Variants in LIMCH1 observed in about 807,000 individuals in gnomAD.
LIMCH1 encodes LIM and calponin homology domains-containing protein 1.
Under a neutral mutation model 176.5 loss-of-function variants are expected in LIMCH1, and 113 were observed. The ratio of observed to expected loss-of-function variants is 0.64; its 90% CI spans 0.55 to 0.75. The LOEUF (loss-of-function observed/expected upper bound fraction) is 0.75. Ranked by LOEUF, LIMCH1 falls within the 30% of genes least tolerant of loss-of-function variation. The pLI, the probability that LIMCH1 is intolerant of heterozygous loss-of-function variation, is 0.00. For missense variants in LIMCH1, 1,674 were observed against 1,814.9 expected (o/e 0.92, Z 1.41); for synonymous variants, 619 against 645.9 (o/e 0.96, Z 0.63).
At chr4:41,462,633 T>A (rs2065535362) in intron 1 of LIMCH1, among the ~76,000 whole-genome samples, 1 of 152,178 alleles carries the variant, frequency 6.6e-6, no homozygotes. Context: ...TATCTTGAAA[T>A]TTTGAACTTT....
rs758174095 is a variant in LIMCH1 at position 41,633,102 on chromosome 4, C to T, written c.1829+17C>T. The stretch of plus-strand genomic sequence containing the variant: ...CCAGCCACTGTGAGCATCTTGCCTG[C>T]GCTCTGCTCCGTGGTGTGTTGCCCC... On this transcript the variant is annotated intron_variant, in intron 12 of 31. Coordinates refer to ENST00000503057, the MANE Select transcript of LIMCH1 (RefSeq NM_001330672.2). 12 of 1,495,140 alleles carry T rather than the reference C, an allele frequency of 8.0e-6. No individual in the cohort carries two copies. The highest frequency in any genetic ancestry group is 2.5e-5 in the East Asian group (1 of 40,722). 92.6% of individuals were successfully genotyped at this position (1,495,140 alleles called of 1,614,324 possible). A position where few individuals can be genotyped will look rare whatever the true frequency, so the allele number is the denominator to read the frequency against.
chr4:41,587,481 G>T (rs1412537555), intron 1 of LIMCH1, among the ~76,000 whole-genome samples: 1 of 152,136 alleles, frequency 6.6e-6, no homozygotes, highest in African/African-American at 2.4e-5. Flanking sequence ...GGAACTAGAG[G>T]TTCGTGTGGA....
intron 1 of LIMCH1, among the ~76,000 whole-genome samples, chr4:41,419,608 T>TCCTTCC (rs1290594908): frequency 3.7e-5 from 2 of 53,524 alleles, no homozygotes; most frequent in African/African-American, 3.8e-4. Flanking sequence ...CCTTCCGTCC[T>TCCTTCC]TCCTTCCTTC....
chr4:41,532,831 A>G (rs552243215), intron 3 of LIMCH1, among the ~76,000 whole-genome samples: 1 of 152,308 alleles, frequency 6.6e-6, no homozygotes, highest in African/African-American at 2.4e-5. Context: ...TAATTGCTCT[A>G]TAACAAATTA....
rs557096393 is a variant in LIMCH1 at position 41,445,527 on chromosome 4, T to C, written c.97-49009T>C. ...GAATTGTCCTCAAATTTTTTGGCAA[T>C]GAAAATTGCAACTGAAGCACTGCTA... On this transcript the variant is annotated intron_variant, in intron 1 of 26. Coordinates refer to the LIMCH1 transcript ENST00000313860. 2.1e-4 allele frequency among the ~76,000 whole-genome samples: 32 copies of C among 152,332 alleles called. No homozygotes were observed. The South Asian group carries it at 5.8e-3, about 28-fold the overall frequency.
intron 3 of LIMCH1, among the ~76,000 whole-genome samples, chr4:41,529,646 A>G (rs1323635004): frequency 4.6e-5 from 7 of 152,172 alleles, no homozygotes; most frequent in Non-Finnish European, 1.0e-4. Flanking sequence ...CTCCTTGGTT[A>G]TTACATATAC....
chr4:41,575,625 G>C (rs1400476004), intron 1 of LIMCH1, among the ~76,000 whole-genome samples: 1 of 152,180 alleles, frequency 6.6e-6, no homozygotes, highest in Non-Finnish European at 1.5e-5. Flanking sequence ...GATGTTTAAG[G>C]TTAGGGCCTA....
At chr4:41,681,693 A>T (rs1047949309) in intron 25 of LIMCH1, among the ~76,000 whole-genome samples, 2 of 152,156 alleles carry the variant, frequency 1.3e-5, no homozygotes, top group Non-Finnish European at 2.9e-5. Flanking sequence ...ATAATAATAA[A>T]AAAAACTAAT....
At chr4:41,526,957 A>G (rs1285005545) in intron 3 of LIMCH1, among the ~76,000 whole-genome samples, 1 of 151,678 alleles carries the variant, frequency 6.6e-6, no homozygotes, top group African/African-American at 2.4e-5. Context: ...AACACTCTTC[A>G]CTCCCATGAA....
chr4:41,639,502 T>C (rs114541380), intron 14 of LIMCH1, among the ~76,000 whole-genome samples: 312 of 152,270 alleles, frequency 2.0e-3, no homozygotes, highest in African/African-American at 7.2e-3. Flanking sequence ...GTCCCATGGC[T>C]TAGCAGGGGG....
chr4:41,675,516 C>T (rs2095188301), intron 22 of LIMCH1, among the ~76,000 whole-genome samples: 1 of 151,546 alleles, frequency 6.6e-6, no homozygotes, highest in Non-Finnish European at 1.5e-5. Flanking sequence ...CCTACCCCAT[C>T]AGAACAAAGG....
At chr4:41,381,116 C>T (rs2154103382) in intron 1 of LIMCH1, among the ~76,000 whole-genome samples, 1 of 152,354 alleles carries the variant, frequency 6.6e-6, no homozygotes. Context: ...GAATGCCAGG[C>T]ACTGAATGCC....
At chr4:41,667,411 CGT>C (rs148461748) in intron 21 of LIMCH1, among the ~76,000 whole-genome samples, 3 of 150,030 alleles carry the variant, frequency 2.0e-5, no homozygotes, top group East Asian at 2.0e-4. Context: ...ATATGAGAAA[CGT>C]GTGTGTGTGT....
chr4:41,395,463 G>A (rs370259745), intron 1 of LIMCH1, among the ~76,000 whole-genome samples: 12 of 149,172 alleles, frequency 8.0e-5, no homozygotes, highest in African/African-American at 2.5e-4. Context: ...AGCTGGTCTC[G>A]AACTCCCGAC....
At chr4:41,583,769 T>TTCTC (rs199734446) in intron 1 of LIMCH1, among the ~76,000 whole-genome samples, 1 of 149,890 alleles carries the variant, frequency 6.7e-6, no homozygotes, top group Admixed American at 6.6e-5. Flanking sequence ...TCCACCCAAT[T>TTCTC]TCTCTCTCTC....
chr4:41,611,747 A>G (rs1191918230), intron 4 of LIMCH1, among the ~76,000 whole-genome samples: 1 of 152,254 alleles, frequency 6.6e-6, no homozygotes, highest in Non-Finnish European at 1.5e-5. Flanking sequence ...CTGCAGACAC[A>G]TAATAAGTGT....
chr4:41,427,956 AAAG>A lies in LIMCH1; in HGVS notation c.97-66571_97-66569del, dbSNP rs1433980457. On this transcript the variant is annotated intron_variant, in intron 1 of 26. Coordinates refer to the LIMCH1 transcript ENST00000313860. ...TGCATCTATTTGGAAAAAAAAAAAA[AAAG>A]AAGAAGAATTTACTGGTTCCTTTTT... 1.0e-3 allele frequency among the ~76,000 whole-genome samples: 152 copies of A among 152,106 alleles called. 2 individuals are homozygous for A. Among genetic ancestry groups the A allele is most frequent in the Non-Finnish European group, 8.2e-4 (56 of 68,010 alleles).
rs16853478 is a variant in LIMCH1, at chr4:41,687,278, G to C, written c.4089-562G>C. Among the ~76,000 whole-genome samples, 676 of 152,284 alleles carry C rather than the reference G, an allele frequency of 4.4e-3. 5 individuals are homozygous for C. The highest frequency in any genetic ancestry group is 0.014 in the African/African-American group (599 of 41,564). ...TTCTAGCTGGGGGCTATTCTGACTT[G>C]TTGATGCCCACGACATATCAGTTGT... is the stretch of plus-strand genomic sequence containing the variant. On this transcript the variant is annotated intron_variant, in intron 28 of 31. Coordinates refer to ENST00000503057, the MANE Select transcript of LIMCH1 (RefSeq NM_001330672.2).
intron 3 of LIMCH1, among the ~76,000 whole-genome samples, chr4:41,531,474 T>TCTCACACA (rs777097315): frequency 4.7e-5 from 6 of 126,986 alleles, no homozygotes; most frequent in African/African-American, 1.0e-4. Flanking sequence ...TCTTTCTCTG[T>TCTCACACA]CACACACACA....
Sources: allele counts gnomAD v4.1 joint callset (sites outside exome capture counted in the v4.1 genomes callset), GRCh38; gene constraint gnomAD v4.1.1; transcripts MANE v1.5; gene names NCBI Gene and HGNC (gene_info 2026-07-23, HGNC 2026-07-21).